SLC11A2: variants seen among roughly 807,000 people sequenced by gnomAD.
SLC11A2 encodes natural resistance-associated macrophage protein 2.
SLC11A2 carries 38 observed loss-of-function variants against 68.0 expected under a neutral mutation model. The ratio of observed to expected loss-of-function variants is 0.56; its 90% CI spans 0.43 to 0.73. The LOEUF (loss-of-function observed/expected upper bound fraction) is 0.73, where lower values mean the gene tolerates loss of function less well. SLC11A2 is among the 30% of genes least tolerant of loss of function. The pLI, the probability that SLC11A2 is intolerant of heterozygous loss-of-function variation, is 0.00. For missense variants in SLC11A2, 517 were observed against 690.5 expected (o/e 0.75, Z 2.82); for synonymous variants, 242 against 250.6 (o/e 0.97, Z 0.32).
chr12:50,997,777 CA>C (rs1941847334), intron 8 of SLC11A2, among the ~76,000 whole-genome samples: 1 of 146,602 alleles, frequency 6.8e-6, no homozygotes. Context: ...CACCTGAGGT[CA>C]GGAGTTCAAG....
chr12:51,000,809 T>C (rs1029023303), intron 5 of SLC11A2, among the ~76,000 whole-genome samples: 2 of 152,148 alleles, frequency 1.3e-5, no homozygotes, highest in Non-Finnish European at 2.9e-5. Context: ...GAAAGAATAT[T>C]AAATGATTGC....
At chr12:50,961,576 A>T in the SLC11A2 span, among the ~76,000 whole-genome samples, 1 of 152,208 alleles carries the variant, frequency 6.6e-6, no homozygotes, top group Non-Finnish European at 1.5e-5. Context: ...GCAATAGGCA[A>T]ATCTTTTTTT....
chr12:50,960,019 G>A, the SLC11A2 span, among the ~76,000 whole-genome samples: 1 of 152,074 alleles, frequency 6.6e-6, no homozygotes, highest in South Asian at 2.1e-4. Flanking sequence ...TCTTTTTCTA[G>A]AATCTTTCCT....
intron 10 of SLC11A2, 148 bp downstream of exon 10, chr12:50,995,481 T>C (rs1941617152): frequency 2.4e-6 from 2 of 830,516 alleles, no homozygotes; most frequent in Admixed American, 2.0e-5. Flanking sequence ...CTCTGACTGG[T>C]GCACAGTGAT....
chr12:50,996,568 TC>T (rs1392254236), intron 9 of SLC11A2, among the ~76,000 whole-genome samples: 6 of 146,772 alleles, frequency 4.1e-5, no homozygotes, highest in Non-Finnish European at 7.5e-5. Flanking sequence ...AGAGTGAGAC[TC>T]CATCTCAATT....
At position 50,992,225 on chromosome 12, in the gene SLC11A2, T is replaced by C; in HGVS notation, c.1312A>G (p.Met438Val). 1.2e-6 allele frequency: 2 copies of C among 1,614,064 alleles called. No homozygotes were observed. Among genetic ancestry groups the C allele is most frequent in the Non-Finnish European group, 1.7e-6 (2 of 1,179,950 alleles). The change falls in exon 13 of 16, where the codon ATG (methionine) becomes GTG (valine). Residue 438 changes from methionine (M) to valine (V), a missense_variant. Physicochemically the swap from Met to Val is conservative, Grantham distance 21 (BLOSUM62 1). Transcript: ENST00000262052. ...VFQDVEHLTG[M>V]NDFLNVLQSL... ...TGTAGAACATTCAGAAAGTCATTCA[T>C]CCCTGTTAGATGCTCTACATCTTGG...
downstream of SLC11A2, among the ~76,000 whole-genome samples, chr12:50,976,969 C>T (rs1437765302): frequency 1.3e-5 from 2 of 152,108 alleles, no homozygotes; most frequent in East Asian, 1.9e-4. Flanking sequence ...AGGAGAACTA[C>T]AAACCACTGC....
intron 12 of SLC11A2, 141 bp downstream of exon 12, chr12:50,992,669 T>C (rs1592325356): frequency 1.2e-6 from 1 of 832,012 alleles, no homozygotes; most frequent in East Asian, 2.6e-5. Context: ...GAGGTGGAGG[T>C]TGCAGTGAGC....
chr12:50,952,484 C>T, the SLC11A2 span, among the ~76,000 whole-genome samples: 1 of 152,134 alleles, frequency 6.6e-6, no homozygotes, highest in African/African-American at 2.4e-5. Flanking sequence ...GCAAGGTGTT[C>T]TCCAAGGTCT....
intron 5 of SLC11A2, among the ~76,000 whole-genome samples, chr12:51,001,808 T>C (rs748748456): frequency 6.6e-5 from 10 of 151,738 alleles, no homozygotes; most frequent in African/African-American, 9.7e-5. Context: ...CACTCCAGAG[T>C]GGGCAACAAA....
chr12:50,959,837 A>G, the SLC11A2 span, among the ~76,000 whole-genome samples: 4 of 151,636 alleles, frequency 2.6e-5, no homozygotes, highest in Admixed American at 6.6e-5. Context: ...TTTAGTGGAG[A>G]TGGGATTTCA....
downstream of SLC11A2, among the ~76,000 whole-genome samples, chr12:50,977,442 T>C (rs902080150): frequency 3.9e-5 from 6 of 152,332 alleles, no homozygotes; most frequent in Admixed American, 3.3e-4. Context: ...TGGTTAGCCA[T>C]ATGTAGAAAG....
At chr12:50,952,490 G>A in the SLC11A2 span, among the ~76,000 whole-genome samples, 1 of 152,240 alleles carries the variant, frequency 6.6e-6, no homozygotes, top group East Asian at 1.9e-4. Flanking sequence ...TGTTCTCCAA[G>A]GTCTCAAGGG....
chr12:50,986,582 T>G lies in SLC11A2; in HGVS notation c.*1743A>C. 7.8e-7 allele frequency: 1 copy of G among 1,287,050 alleles called. No homozygotes were observed. The highest frequency in any genetic ancestry group is 1.5e-5 in the African/African-American group (1 of 65,854). The allele number at this position is 1,287,050 out of a possible 1,614,324, so 79.7% of individuals were successfully genotyped here. ...TCATCTTTATAAAGAATTTTTTTTT[T>G]GTCGTCAGTTTGGCCTTTCCTACTG... On this transcript the variant is annotated 3_prime_UTR_variant, in exon 16 of 16. Coordinates refer to ENST00000262052, the MANE Select transcript of SLC11A2 (RefSeq NM_000617.3).
At chr12:51,002,638 C>CAAAA (rs755823057) in intron 5 of SLC11A2, among the ~76,000 whole-genome samples, 3 of 71,776 alleles carry the variant, frequency 4.2e-5, no homozygotes, top group African/African-American at 5.1e-5. Flanking sequence ...GACTTGGTCT[C>CAAAA]AAAAAAAAAA....
upstream of SLC11A2, chr12:51,026,525 C>T (rs1473260010): frequency 2.5e-5 from 10 of 401,616 alleles, no homozygotes; most frequent in Admixed American, 1.7e-4. Context: ...CTGGATGCGG[C>T]GGCCCCTGGG....
chr12:50,954,822 G>A, the SLC11A2 span, among the ~76,000 whole-genome samples: 1 of 152,198 alleles, frequency 6.6e-6, no homozygotes, highest in East Asian at 1.9e-4. Context: ...AAGCTTGAAA[G>A]AACTGTGGGT....
In SLC11A2 at chr12:50,991,005, A is replaced by G. The variant is rs1941095594; in HGVS notation, c.1422-57T>C. ...AATAATCCAACTTGGCCACAGACAG[A>G]AAAGGAAACAGGATGGGAATTAGAG... On this transcript the variant is annotated intron_variant, in intron 14 of 15. Transcript: ENST00000262052. The G allele has an allele frequency of 2.0e-6, 3 of 1,495,816 alleles. No homozygotes were observed. The East Asian group carries it at 6.8e-5, about 34-fold the overall frequency. The allele number at this position is 1,495,816 out of a possible 1,614,324, so 92.7% of individuals were successfully genotyped here. A position where few individuals can be genotyped will look rare whatever the true frequency, so the allele number is the denominator to read the frequency against.
chr12:51,020,538 C>T (rs1258819813), intron 1 of SLC11A2, among the ~76,000 whole-genome samples: 5 of 152,280 alleles, frequency 3.3e-5, no homozygotes, highest in Admixed American at 2.6e-4. Context: ...CACAAACACA[C>T]TCAGTTTATA....
Sources: allele counts gnomAD v4.1 joint callset (sites outside exome capture counted in the v4.1 genomes callset), GRCh38; gene constraint gnomAD v4.1.1; transcripts MANE v1.5; gene names NCBI Gene and HGNC (gene_info 2026-07-23, HGNC 2026-07-21).